AKAP12: variants seen among roughly 807,000 people sequenced by gnomAD.
AKAP12 encodes A-kinase anchor protein 12.
AKAP12 carries 32 observed loss-of-function variants against 79.9 expected under a neutral mutation model. That is an observed-to-expected ratio of 0.40 (90% confidence interval 0.30 to 0.54). AKAP12 has a LOEUF of 0.54. Ranked by LOEUF, AKAP12 falls within the 20% of genes least tolerant of loss-of-function variation. The pLI, the probability that AKAP12 is intolerant of heterozygous loss-of-function variation, is 0.48. For missense variants in AKAP12, 2,074 were observed against 2,177.0 expected (o/e 0.95, Z 0.94); for synonymous variants, 808 against 857.0 (o/e 0.94, Z 1.00).
intron 3 of AKAP12, among the ~76,000 whole-genome samples, chr6:151,345,297 G>A (rs1223312263): frequency 2.0e-5 from 3 of 150,908 alleles, no homozygotes; most frequent in South Asian, 4.2e-4. Flanking sequence ...GGATGGTCTC[G>A]ATCTCCTGAC....
At chr6:151,257,777 C>T (rs1797330492) in intron 2 of AKAP12, among the ~76,000 whole-genome samples, 1 of 152,138 alleles carries the variant, frequency 6.6e-6, no homozygotes, top group African/African-American at 2.4e-5. Flanking sequence ...TTAGATTATC[C>T]TGATGAAAGA....
Position 151,353,362 on chromosome 6 carries a change from A to C in AKAP12, c.4971A>C (p.Glu1657Asp). The C allele has an allele frequency of 6.2e-7, 1 of 1,614,192 alleles. No individual in the cohort carries two copies. Among genetic ancestry groups the C allele is most frequent in the Non-Finnish European group, 8.5e-7 (1 of 1,180,032 alleles). ...EGSTVNDQQL[E>D]EVVLPSEEEG... ...CCACTGTAAATGATCAGCAGCTGGAAGAGGTCGTCCTCCCATCTGAGGAAG... is the reference window on the plus strand; with the variant it reads ...CCACTGTAAATGATCAGCAGCTGGACGAGGTCGTCCTCCCATCTGAGGAAG... Residue 1657 changes from glutamate (E) to aspartate (D), a missense_variant, in exon 4 of 5, where the codon GAA (glutamate) becomes GAC (aspartate). Coordinates refer to ENST00000402676, the MANE Select transcript of AKAP12 (RefSeq NM_005100.4).
At chr6:151,284,113 C>T (rs1208461108) in intron 2 of AKAP12, among the ~76,000 whole-genome samples, 1 of 152,198 alleles carries the variant, frequency 6.6e-6, no homozygotes, top group Non-Finnish European at 1.5e-5. Context: ...TCTCCCAGGT[C>T]AGGTTGGAGA....
At chr6:151,354,566 GT>G (rs1359040689) in intron 4 of AKAP12, among the ~76,000 whole-genome samples, 10 of 150,128 alleles carry the variant, frequency 6.7e-5, no homozygotes, top group South Asian at 2.2e-4. Flanking sequence ...GTAGAGATGG[GT>G]TTTCACCGTG....
At chr6:151,345,447 T>C (rs1300025337) in intron 3 of AKAP12, among the ~76,000 whole-genome samples, 1 of 130,574 alleles carries the variant, frequency 7.7e-6, no homozygotes, top group African/African-American at 2.8e-5. Context: ...TAAGATCTTT[T>C]TGGTGTCCAT....
chr6:151,332,258 G>A (rs1582887369), intron 3 of AKAP12, among the ~76,000 whole-genome samples: 2 of 151,822 alleles, frequency 1.3e-5, no homozygotes, highest in South Asian at 4.2e-4. Flanking sequence ...GGATGGTCTC[G>A]ATCTCCTGAC....
At chr6:151,301,284 C>T (rs59210661) in intron 2 of AKAP12, among the ~76,000 whole-genome samples, 5,883 of 152,168 alleles carry the variant, frequency 0.039, 392 homozygotes, top group African/African-American at 0.13. Context: ...AAGCAAGGTG[C>T]GTGTTTATTA....
intron 3 of AKAP12, among the ~76,000 whole-genome samples, chr6:151,322,518 A>T (rs1360196455): frequency 6.6e-6 from 1 of 152,218 alleles, no homozygotes; most frequent in Non-Finnish European, 1.5e-5. Flanking sequence ...GCTGTGAGGA[A>T]CCCACTCATG....
rs1420644454 is a variant in AKAP12 at position 151,351,902 on chromosome 6, A to C, written c.3511A>C (p.Thr1171Pro). The change falls in exon 4 of 5, where the codon ACT (threonine) becomes CCT (proline). Residue 1171 changes from threonine to proline, a missense_variant. Thr to Pro is a conservative substitution (Grantham distance 38). This residue lies in a region of AKAP12 where 32 missense variants were observed against 60.4 expected (regional missense o/e 0.53). Coordinates refer to ENST00000402676, the MANE Select transcript of AKAP12 (RefSeq NM_005100.4). The surrounding 1 kb of genome is among the most constrained non-coding windows in gnomAD (Gnocchi z 4.4). ...GGTGGAAACCCCTACAGACAGTGAGACTGATGGAAGCACCCCCGTAGCCGA... is the reference window on the plus strand; with the variant it reads ...GGTGGAAACCCCTACAGACAGTGAGCCTGATGGAAGCACCCCCGTAGCCGA... ...DSVETPTDSE[T>P]DGSTPVADFD... is the part of the protein sequence containing the mutation. 1.2e-6 allele frequency: 2 copies of C among 1,613,972 alleles called. No individual in the cohort carries two copies. The highest frequency in any genetic ancestry group is 2.7e-5 in the African/African-American group (2 of 74,890).
At position 151,349,112 on chromosome 6, in the gene AKAP12, G is replaced by GAGACCC. The variant is rs1381978739; in HGVS notation, c.722_727dup (p.Thr242_Leu243insGlnThr). 1 of 1,613,240 alleles carries GAGACCC rather than the reference G, an allele frequency of 6.2e-7. No homozygotes were observed. The highest frequency in any genetic ancestry group is 8.5e-7 in the Non-Finnish European group (1 of 1,179,894). ...CAAACAATCTACAGAGAAACCCGAA[G>GAGACCC]AGACCCTGAAGCGTGAGCAAAGCCA... On this transcript the variant is annotated inframe_insertion, in exon 4 of 5. Coordinates refer to ENST00000402676, the MANE Select transcript of AKAP12 (RefSeq NM_005100.4).
At chr6:151,254,531 A>G (rs1797252415) in intron 2 of AKAP12, among the ~76,000 whole-genome samples, 1 of 152,084 alleles carries the variant, frequency 6.6e-6, no homozygotes, top group Non-Finnish European at 1.5e-5. Context: ...TTGTATTTTT[A>G]GTAGAGACCG....
At chr6:151,348,685 A>AACC in intron 3 of AKAP12, 26 bp from the exon 4 acceptor site, 4 of 164,742 alleles carry the variant, frequency 2.4e-5, no homozygotes, top group East Asian at 1.6e-4. Flanking sequence ...TCTTCTCCCC[A>AACC]CCCCCCCGCC....
At chr6:151,263,764 A>C (rs1490920154) in intron 2 of AKAP12, among the ~76,000 whole-genome samples, 1 of 152,070 alleles carries the variant, frequency 6.6e-6, no homozygotes, top group Non-Finnish European at 1.5e-5. Context: ...TTTTTAGTAG[A>C]GACAGGGTTT....
chr6:151,338,508 T>C (rs1273220009), intron 3 of AKAP12, among the ~76,000 whole-genome samples: 2 of 150,546 alleles, frequency 1.3e-5, no homozygotes, highest in African/African-American at 4.9e-5. Flanking sequence ...CAGGATGGAG[T>C]GTAGTGGCGT....
At chr6:151,342,805 C>G (rs1203462432) in intron 3 of AKAP12, among the ~76,000 whole-genome samples, 1 of 152,228 alleles carries the variant, frequency 6.6e-6, no homozygotes, top group African/African-American at 2.4e-5. Flanking sequence ...GGCAGTCGCC[C>G]AGGCTGGAGT....
intron 3 of AKAP12, among the ~76,000 whole-genome samples, chr6:151,341,240 G>T (rs189129704): frequency 6.6e-6 from 1 of 152,184 alleles, no homozygotes; most frequent in Non-Finnish European, 1.5e-5. Context: ...TTTTAGTAGA[G>T]ATGAGGTTTC....
At chr6:151,333,636 G>A (rs1428614861) in intron 3 of AKAP12, among the ~76,000 whole-genome samples, 4 of 151,702 alleles carry the variant, frequency 2.6e-5, no homozygotes, top group African/African-American at 7.3e-5. Context: ...CCAGCTACTC[G>A]GGAGGCTGAG....
At chr6:151,286,446 G>A (rs1183217157) in intron 2 of AKAP12, among the ~76,000 whole-genome samples, 1 of 152,192 alleles carries the variant, frequency 6.6e-6, no homozygotes, top group Non-Finnish European at 1.5e-5. Context: ...AAGCCCACAC[G>A]ACTTCATGAG....
At chr6:151,270,048 A>G (rs761239233) in intron 2 of AKAP12, among the ~76,000 whole-genome samples, 2 of 152,074 alleles carry the variant, frequency 1.3e-5, no homozygotes, top group Admixed American at 6.6e-5. Flanking sequence ...GTACATCAGT[A>G]CTTCCTGTTT....
Sources: gnomAD v4.1 joint callset for allele counts (sites outside exome capture counted in the v4.1 genomes callset) on GRCh38, gnomAD v4.1.1 for gene constraint, gnomAD v4.1.1 regional missense constraint, Gnocchi (gnomAD v3.1) non-coding constraint, MANE v1.5 for transcripts, NCBI Gene and HGNC (gene_info 2026-07-23, HGNC 2026-07-21) for gene names.